The following MCF2L2 variants were observed in gnomAD, a reference collection of about 807,000 sequenced individuals.
MCF2L2 encodes the protein MCF.2 cell line derived transforming sequence-like 2.
MCF2L2 carries 102 observed loss-of-function variants against 150.2 expected under a neutral mutation model. That is an observed-to-expected ratio of 0.68 (90% CI 0.58 to 0.80). The LOEUF (loss-of-function observed/expected upper bound fraction) is 0.80, where lower values mean the gene tolerates loss of function less well. Among genes scored for constraint, MCF2L2 ranks in the 30% least tolerant of loss-of-function variants. The pLI is 0.00. For synonymous variants in MCF2L2, 465 were observed against 491.3 expected, an observed-to-expected ratio of 0.95 and a Z score of 0.71; for missense variants, 1,256 against 1,372.8, an observed-to-expected ratio of 0.91 and a Z score of 1.34.
chr3:183,263,777 A>G (rs557591046), intron 15 of MCF2L2, among the ~76,000 whole-genome samples: 28 of 152,284 alleles, frequency 1.8e-4, no homozygotes, highest in African/African-American at 6.7e-4. Flanking sequence ...AACTCAGGAA[A>G]CCAGTTTTCC....
chr3:183,427,779 C>G, intron 1 of MCF2L2, 123 bp downstream of exon 1: 1 of 830,826 alleles, frequency 1.2e-6, no homozygotes, highest in South Asian at 1.5e-5. Context: ...GCCCAGATGC[C>G]GGGCAACCCC....
intron 15 of MCF2L2, chr3:183,266,164 C>A (rs545698864): frequency 6.6e-6 from 1 of 152,222 alleles, no homozygotes; most frequent in African/African-American, 2.4e-5. Flanking sequence ...ATACTAGCAC[C>A]TTTAATGAGT....
intron 3 of MCF2L2, 159 bp downstream of exon 3, chr3:183,379,138 C>G: frequency 1.8e-6 from 1 of 545,040 alleles, no homozygotes; most frequent in Non-Finnish European, 3.2e-6. Flanking sequence ...TTTCCACATT[C>G]CTTGCTCGTG....
intron 9 of MCF2L2, 57 bp downstream of exon 9, chr3:183,310,858 G>A: frequency 1.7e-6 from 2 of 1,198,896 alleles, no homozygotes; most frequent in Non-Finnish European, 1.2e-6. Context: ...AGGAGGGAGA[G>A]AAAACCAGAG....
chr3:183,415,146 A>T (rs1048633953), intron 1 of MCF2L2, among the ~76,000 whole-genome samples: 1 of 152,078 alleles, frequency 6.6e-6, no homozygotes. Flanking sequence ...ACTGAAAGTG[A>T]CATACTGAAG....
intron 15 of MCF2L2, among the ~76,000 whole-genome samples, chr3:183,241,079 ATAAGG>A (rs1231741884): frequency 6.6e-6 from 1 of 152,248 alleles, no homozygotes; most frequent in Non-Finnish European, 1.5e-5. Flanking sequence ...AATGAGTGTG[ATAAGG>A]TAAGGCTAGT....
intron 15 of MCF2L2, among the ~76,000 whole-genome samples, chr3:183,252,304 C>T (rs1263180473): frequency 6.6e-6 from 1 of 152,192 alleles, no homozygotes; most frequent in African/African-American, 2.4e-5. Context: ...GGGTCACTGT[C>T]AATGACTCCT....
At chr3:183,254,131 C>T (rs188120560) in intron 15 of MCF2L2, 1 of 151,748 alleles carries the variant, frequency 6.6e-6, no homozygotes, top group Non-Finnish European at 1.5e-5. Flanking sequence ...CGGGAGGCTC[C>T]GAGTCTGCCC....
chr3:183,250,066 T>C (rs142733242), intron 15 of MCF2L2, among the ~76,000 whole-genome samples: 24 of 152,282 alleles, frequency 1.6e-4, no homozygotes, highest in Admixed American at 3.3e-4. Flanking sequence ...GACATATAAC[T>C]TATACAGTGA....
At chr3:183,249,818 T>C (rs1257943389) in intron 15 of MCF2L2, among the ~76,000 whole-genome samples, 1 of 152,186 alleles carries the variant, frequency 6.6e-6, no homozygotes, top group Non-Finnish European at 1.5e-5. Flanking sequence ...GGAACAAAAG[T>C]TTGAATAATT....
Position 183,224,190 on chromosome 3 carries a change from T to G in MCF2L2, c.2116A>C (p.Lys706Gln). 3 of 1,602,140 alleles carry G rather than the reference T, an allele frequency of 1.9e-6. No individual in the cohort carries two copies. Among genetic ancestry groups the G allele is most frequent in the Non-Finnish European group, 2.6e-6 (3 of 1,169,398 alleles). ...TTAAAATATATCTGAAGATCTTCTT[T>G]CTAGGTGGGAAAAAATTAGAATAAA... ...ELLAHCFLKR[K>Q]EDLQIYFKYH... Residue 706 changes from lysine to glutamine, a missense_variant and splice_region_variant, in exon 19 of 30, where the codon AAA becomes CAA. Physicochemically the swap from Lys to Gln is moderately conservative, Grantham distance 53 (BLOSUM62 1). Transcript: ENST00000328913.
At chr3:183,356,331 G>T (rs1043859725) in intron 3 of MCF2L2, among the ~76,000 whole-genome samples, 1 of 151,990 alleles carries the variant, frequency 6.6e-6, no homozygotes, top group Non-Finnish European at 1.5e-5. Flanking sequence ...TGGCCAACAC[G>T]GTGAAACCCT....
At chr3:183,183,640 C>T (rs1463432615) in intron 27 of MCF2L2, among the ~76,000 whole-genome samples, 1 of 152,148 alleles carries the variant, frequency 6.6e-6, no homozygotes, top group Non-Finnish European at 1.5e-5. Flanking sequence ...ATAATAACAT[C>T]GATTTTGCAG....
intron 21 of MCF2L2, among the ~76,000 whole-genome samples, chr3:183,216,776 T>C (rs1047473859): frequency 2.0e-5 from 3 of 149,902 alleles, no homozygotes; most frequent in African/African-American, 7.4e-5. Flanking sequence ...GGCTAATTTT[T>C]GTATTTTTAG....
chr3:183,338,342 C>G (rs898248374), intron 5 of MCF2L2, among the ~76,000 whole-genome samples: 9 of 150,440 alleles, frequency 6.0e-5, no homozygotes, highest in African/African-American at 1.7e-4. Context: ...AGCTACTTGG[C>G]AGGCTGAGGC....
intron 5 of MCF2L2, among the ~76,000 whole-genome samples, chr3:183,336,609 A>G (rs927574984): frequency 1.3e-5 from 2 of 151,674 alleles, no homozygotes; most frequent in African/African-American, 4.8e-5. Flanking sequence ...GCACTTTGGG[A>G]GGCTGAGGTG....
chr3:183,254,399 A>C (rs577372657), intron 15 of MCF2L2, among the ~76,000 whole-genome samples: 128 of 151,886 alleles, frequency 8.4e-4, no homozygotes, highest in Middle Eastern at 6.8e-3. Flanking sequence ...AGCGCGGCGG[A>C]GAAGGAGGCT....
chr3:183,244,150 A>C (rs1203483406), intron 15 of MCF2L2, among the ~76,000 whole-genome samples: 1 of 151,958 alleles, frequency 6.6e-6, no homozygotes, highest in African/African-American at 2.4e-5. Flanking sequence ...AAAAAAAAGA[A>C]ATCCATCCTT....
chr3:183,369,643 C>G lies in MCF2L2; in HGVS notation c.275+9654G>C, dbSNP rs1283869606. On this transcript the variant is annotated intron_variant, in intron 3 of 29. Transcript: ENST00000328913. ...CCTCTAGACCCTCTCTTGAAGAGTCCATTTCCAGCTTCTGGCAGGAGGCTA... is the reference window on the plus strand; with the variant it reads ...CCTCTAGACCCTCTCTTGAAGAGTCGATTTCCAGCTTCTGGCAGGAGGCTA... Among the ~76,000 whole-genome samples the G allele has an allele frequency of 2.0e-5, 3 of 152,150 alleles. No homozygotes were observed. In the East Asian group the frequency reaches 5.8e-4, roughly 29 times the overall value.
Sources: allele counts gnomAD v4.1 joint callset (sites outside exome capture counted in the v4.1 genomes callset), GRCh38; gene constraint gnomAD v4.1.1; transcripts MANE v1.5; gene names NCBI Gene and HGNC (gene_info 2026-07-23, HGNC 2026-07-21).